Variants in UST observed in about 807,000 individuals in gnomAD.
UST encodes uronyl 2-sulfotransferase, also known as chondroitin sulfate 2-O-sulfotransferase.
Under a neutral mutation model 45.6 loss-of-function variants are expected in UST, and 21 were observed. The ratio of observed to expected loss-of-function variants is 0.46; its 90% CI spans 0.33 to 0.66. UST has a LOEUF of 0.66. Among genes scored for constraint, UST ranks in the 30% least tolerant of loss-of-function variants. The pLI, the probability that UST is intolerant of heterozygous loss-of-function variation, is 0.02. For missense variants in UST, 463 were observed against 512.4 expected, an observed-to-expected ratio of 0.90 and a Z score of 0.93; for synonymous variants, 215 against 200.6, an observed-to-expected ratio of 1.07 and a Z score of -0.61.
At chr6:148,805,109 C>T (rs1230425899) in intron 1 of UST, among the ~76,000 whole-genome samples, 1 of 152,096 alleles carries the variant, frequency 6.6e-6, no homozygotes, top group Non-Finnish European at 1.5e-5. Context: ...TTGATATGCA[C>T]ATGTACATAA....
At chr6:148,935,632 T>G (rs1024561357) in intron 2 of UST, among the ~76,000 whole-genome samples, 2 of 152,194 alleles carry the variant, frequency 1.3e-5, no homozygotes, top group African/African-American at 4.8e-5. Flanking sequence ...ATACTTAGGA[T>G]TTTGTATACA....
chr6:148,885,601 TC>T (rs999232558), intron 1 of UST, among the ~76,000 whole-genome samples: 3 of 152,192 alleles, frequency 2.0e-5, no homozygotes, highest in Non-Finnish European at 4.4e-5. Flanking sequence ...ACCCTGATGT[TC>T]CTTTACTATA....
intron 5 of UST, among the ~76,000 whole-genome samples, chr6:149,013,546 A>T (rs1301856379): frequency 1.3e-5 from 2 of 152,174 alleles, no homozygotes; most frequent in African/African-American, 4.8e-5. Flanking sequence ...AGAGAAAAAA[A>T]AAGTTGGTAC....
Position 148,802,574 on chromosome 6 carries a change from C to G in UST, c.247+54897C>G, listed in dbSNP as rs568788292. Among the ~76,000 whole-genome samples, 42 of 152,282 alleles carry G rather than the reference C, an allele frequency of 2.8e-4. No homozygotes were observed. The South Asian group carries it at 6.6e-3, about 24-fold the overall frequency. On this transcript the variant is annotated intron_variant, in intron 1 of 7. Coordinates refer to ENST00000367463, the MANE Select transcript of UST (RefSeq NM_005715.3). ...AAGTCACACATTGATTTCATTTTCT[C>G]TCTCTCTCATGCTGTTTCCCTCTAT...
intron 1 of UST, among the ~76,000 whole-genome samples, chr6:148,775,141 C>A (rs541296066): frequency 6.6e-6 from 1 of 152,276 alleles, no homozygotes; most frequent in South Asian, 2.1e-4. Context: ...CATATGCTAT[C>A]CTCTCCGTCC....
At chr6:148,974,609 A>G (rs965661225) in intron 5 of UST, among the ~76,000 whole-genome samples, 1 of 152,244 alleles carries the variant, frequency 6.6e-6, no homozygotes, top group Non-Finnish European at 1.5e-5. Context: ...CACAGCCTCT[A>G]GAACAAACCG....
chr6:148,861,872 G>A (rs1340773684), intron 1 of UST, among the ~76,000 whole-genome samples: 1 of 152,102 alleles, frequency 6.6e-6, no homozygotes, highest in African/African-American at 2.4e-5. Flanking sequence ...ACAGTTTTTT[G>A]TGATTTCTGT....
At chr6:148,851,262 GTATAA>G (rs1266854860) in intron 1 of UST, among the ~76,000 whole-genome samples, 2 of 152,092 alleles carry the variant, frequency 1.3e-5, no homozygotes, top group South Asian at 2.1e-4. Context: ...TAAGAAGTAT[GTATAA>G]TATATTTGTA....
intron 1 of UST, among the ~76,000 whole-genome samples, chr6:148,844,812 G>A (rs1777953991): frequency 1.3e-5 from 2 of 152,134 alleles, no homozygotes; most frequent in African/African-American, 2.4e-5. Context: ...AGGTTGCAGT[G>A]TGTATTGTTC....
chr6:148,938,822 G>T (rs1024231467), intron 2 of UST, among the ~76,000 whole-genome samples: 12 of 151,166 alleles, frequency 7.9e-5, no homozygotes, highest in African/African-American at 2.9e-4. Flanking sequence ...TAGATAAACA[G>T]TAGTATATCA....
intron 1 of UST, among the ~76,000 whole-genome samples, chr6:148,799,621 A>C (rs1034365076): frequency 9.2e-5 from 14 of 152,034 alleles, no homozygotes; most frequent in African/African-American, 3.1e-4. Context: ...TTAGGTCCCC[A>C]TCACTCCTTT....
At position 148,918,759 on chromosome 6, in the gene UST, G is replaced by A. The variant is rs9498178; in HGVS notation, c.292-22520G>A. Among the ~76,000 whole-genome samples, 138 of 152,246 alleles carry A rather than the reference G, an allele frequency of 9.1e-4. 1 individual carries two copies. The highest frequency in any genetic ancestry group is 3.1e-3 in the African/African-American group (127 of 41,546). On this transcript the variant is annotated intron_variant, in intron 2 of 7. Coordinates refer to ENST00000367463, the MANE Select transcript of UST (RefSeq NM_005715.3). Reference sequence around the variant, plus strand: ...TGCATTTGAACTCAGTCCTAGCACCGTGCTAGGTCCCTAGGCACATCCTTT... The same window carrying A: ...TGCATTTGAACTCAGTCCTAGCACCATGCTAGGTCCCTAGGCACATCCTTT...
chr6:148,794,551 A>G (rs544656226), intron 1 of UST, among the ~76,000 whole-genome samples: 26 of 152,314 alleles, frequency 1.7e-4, no homozygotes, highest in Non-Finnish European at 3.2e-4. Context: ...CCTTTTTTAA[A>G]AAGTCAGTGT....
At chr6:149,012,694 G>A (rs549396381) in intron 5 of UST, among the ~76,000 whole-genome samples, 7 of 151,682 alleles carry the variant, frequency 4.6e-5, no homozygotes, top group South Asian at 4.2e-4. Context: ...GCATAATACC[G>A]TTTGTGTTTC....
At chr6:149,042,956 TTTCTTTCTTTC>T (rs1421417801) in intron 7 of UST, among the ~76,000 whole-genome samples, 4,617 of 72,436 alleles carry the variant, frequency 0.064, 108 homozygotes, top group African/African-American at 0.091. Flanking sequence ...TCACCATCCT[TTTCTTTCTTTC>T]TTTCTTTCTT....
At chr6:149,032,104 G>A (rs979885881) in intron 7 of UST, among the ~76,000 whole-genome samples, 1 of 152,182 alleles carries the variant, frequency 6.6e-6, no homozygotes, top group Non-Finnish European at 1.5e-5. Flanking sequence ...ACCAGAGGCA[G>A]GAGAAGGATC....
At chr6:148,971,414 C>A (rs1416502622) in intron 5 of UST, among the ~76,000 whole-genome samples, 2 of 152,226 alleles carry the variant, frequency 1.3e-5, no homozygotes, top group Non-Finnish European at 2.9e-5. Flanking sequence ...GACAGGCATT[C>A]ATCCCAAAAC....
At chr6:148,847,191 A>G (rs564955568) in intron 1 of UST, among the ~76,000 whole-genome samples, 33 of 152,250 alleles carry the variant, frequency 2.2e-4, no homozygotes, top group Non-Finnish European at 4.3e-4. Flanking sequence ...ATTGCAACAC[A>G]TACTTATTAT....
At chr6:149,006,815 G>A (rs1245162531) in intron 5 of UST, among the ~76,000 whole-genome samples, 1 of 152,122 alleles carries the variant, frequency 6.6e-6, no homozygotes, top group African/African-American at 2.4e-5. Context: ...GTATATCATT[G>A]TGGTTTTTAT....
Sources: gnomAD v4.1 joint callset for allele counts (sites outside exome capture counted in the v4.1 genomes callset) on GRCh38, gnomAD v4.1.1 for gene constraint, MANE v1.5 for transcripts, NCBI Gene and HGNC (gene_info 2026-07-23, HGNC 2026-07-21) for gene names.